BATF3: variants seen among roughly 807,000 people sequenced by gnomAD.
The protein encoded by BATF3 is basic leucine zipper transcriptional factor ATF-like 3.
A neutral mutation model predicts 16.1 loss-of-function variants in BATF3; 8 were observed. The observed-to-expected ratio is 0.50, with a 90% CI of 0.29 to 0.90. The LOEUF is 0.90. BATF3 is among the 40% of genes least tolerant of loss of function. The pLI is 0.08. For synonymous variants in BATF3, 74 were observed against 72.7 expected, an observed-to-expected ratio of 1.02 and a Z score of -0.09; for missense variants, 139 against 167.0, an observed-to-expected ratio of 0.83 and a Z score of 0.92.
At chr1:212,695,159 T>C (rs965199800) in intron 2 of BATF3, among the ~76,000 whole-genome samples, 6 of 151,926 alleles carry the variant, frequency 3.9e-5, no homozygotes, top group African/African-American at 9.7e-5. Context: ...GTCCAGGAGA[T>C]TGAAACTACT....
At chr1:212,687,091 C>T in intron 2 of BATF3, 112 bp from the exon 3 acceptor site, 1 of 706,732 alleles carries the variant, frequency 1.4e-6, no homozygotes, top group South Asian at 1.6e-5. Context: ...TTACGCATGT[C>T]CCCTCCACTG....
At position 212,699,533 on chromosome 1, in the gene BATF3, C is replaced by T. The variant is rs1657217848; in HGVS notation, c.90+140G>A. 5 of 560,148 alleles carry T rather than the reference C, an allele frequency of 8.9e-6. No individual in the cohort carries two copies. In the South Asian group the frequency reaches 3.9e-4, roughly 44 times the overall value. The allele number at this position is 560,148 out of a possible 1,614,324, so 34.7% of individuals were successfully genotyped here. A position where few individuals can be genotyped will look rare whatever the true frequency, so the allele number is the denominator to read the frequency against. On this transcript the variant is annotated intron_variant, in intron 1 of 2. Coordinates refer to ENST00000243440, the MANE Select transcript of BATF3 (RefSeq NM_018664.3). This position sits in a 1 kb window ranked among gnomAD's most constrained non-coding sequence, Gnocchi z 4.4. ...ATTCCCCAACATCCCTACGCCCCTA[C>T]CTCTGCTTGTCTCCGGCCGCACCCG...
intron 2 of BATF3, among the ~76,000 whole-genome samples, chr1:212,691,870 A>G (rs1182775498): frequency 6.6e-6 from 1 of 152,244 alleles, no homozygotes; most frequent in Admixed American, 6.5e-5. Flanking sequence ...CTCATTTGTC[A>G]GTGTGGACTT....
chr1:212,693,040 G>A (rs1657037931), intron 2 of BATF3, among the ~76,000 whole-genome samples: 1 of 152,188 alleles, frequency 6.6e-6, no homozygotes, highest in African/African-American at 2.4e-5. Context: ...GGGAGGTCCA[G>A]GGGTCCCAAG....
intron 1 of BATF3, 94 bp from the exon 2 acceptor site, chr1:212,697,159 A>G: frequency 9.9e-7 from 1 of 1,010,274 alleles, no homozygotes; most frequent in Non-Finnish European, 1.5e-6. Context: ...ACTGAGCTTC[A>G]TCATTTGCTT....
At chr1:212,695,490 CAAAAAAA>C (rs373281690) in intron 2 of BATF3, among the ~76,000 whole-genome samples, 2 of 42,226 alleles carry the variant, frequency 4.7e-5, no homozygotes, top group Non-Finnish European at 7.8e-5. Flanking sequence ...GACTCTGTCT[CAAAAAAA>C]AAAAAAAAAA....
intron 2 of BATF3, among the ~76,000 whole-genome samples, chr1:212,687,913 A>G (rs1259090830): frequency 2.0e-5 from 3 of 151,076 alleles, no homozygotes; most frequent in Non-Finnish European, 4.4e-5. Flanking sequence ...GGTAACAGAG[A>G]AAGATCCCAA....
At chr1:212,696,291 GA>G (rs1210667047) in intron 2 of BATF3, among the ~76,000 whole-genome samples, 1 of 152,178 alleles carries the variant, frequency 6.6e-6, no homozygotes, top group East Asian at 1.9e-4. Context: ...CAAAAGAGGG[GA>G]AAGCTTTAAG....
At chr1:212,687,767 A>C (rs1346302080) in intron 2 of BATF3, among the ~76,000 whole-genome samples, 10 of 151,862 alleles carry the variant, frequency 6.6e-5, no homozygotes, top group Non-Finnish European at 1.2e-4. Flanking sequence ...CTCTAAAAAA[A>C]TTTGTTTTAA....
intron 2 of BATF3, among the ~76,000 whole-genome samples, chr1:212,693,790 C>T (rs1393961770): frequency 6.6e-6 from 1 of 152,200 alleles, no homozygotes; most frequent in Non-Finnish European, 1.5e-5. Context: ...AGAGCCAACG[C>T]TTCATACAGG....
chr1:212,686,738 C>G lies in BATF3; in HGVS notation c.*53G>C. 1 of 1,566,312 alleles carries G rather than the reference C, an allele frequency of 6.4e-7. No homozygotes were observed. Among genetic ancestry groups the G allele is most frequent in the East Asian group, 2.3e-5 (1 of 43,950 alleles). ...CAATTGTGAAGGAAAAGCCTTCCTC[C>G]CAGGTATGAAAATGACCAAGGCTCC... On this transcript the variant is annotated 3_prime_UTR_variant, in exon 3 of 3. Coordinates refer to ENST00000243440, the MANE Select transcript of BATF3 (RefSeq NM_018664.3).
chr1:212,696,068 G>A (rs755752057), intron 2 of BATF3, among the ~76,000 whole-genome samples: 6 of 151,892 alleles, frequency 4.0e-5, no homozygotes, highest in African/African-American at 7.3e-5. Context: ...AGGACAGAGG[G>A]CCTGCCTGGA....
intron 2 of BATF3, among the ~76,000 whole-genome samples, chr1:212,691,254 A>C (rs1266381511): frequency 6.6e-6 from 1 of 152,180 alleles, no homozygotes; most frequent in Non-Finnish European, 1.5e-5. Context: ...AAGTAGGAAC[A>C]GGCTAACAGG....
intron 2 of BATF3, among the ~76,000 whole-genome samples, chr1:212,688,945 T>C (rs1413978720): frequency 6.6e-6 from 1 of 152,138 alleles, no homozygotes; most frequent in African/African-American, 2.4e-5. Flanking sequence ...CAAAGACACA[T>C]GCAAATTCTC....
Position 212,699,211 on chromosome 1 carries a change from T to C in BATF3, c.90+462A>G, listed in dbSNP as rs28549276. Among the ~76,000 whole-genome samples, 98,527 of 152,002 alleles carry C rather than the reference T, an allele frequency of 0.65. 32,357 individuals carry two copies. The highest frequency in any genetic ancestry group is 0.69 in the Middle Eastern group (204 of 294). On this transcript the variant is annotated intron_variant, in intron 1 of 2. Coordinates refer to ENST00000243440, the MANE Select transcript of BATF3 (RefSeq NM_018664.3). This position sits in a 1 kb window ranked among gnomAD's most constrained non-coding sequence, Gnocchi z 4.4. The stretch of plus-strand genomic sequence containing the variant: ...CGGAGTCGGCCCTTTGTGGGTTCCC[T>C]CCGCCCAGGCTGACTAGTCCGGCGT...
Position 212,697,001 on chromosome 1 carries a change from C to A in BATF3, c.155G>T (p.Ser52Ile). Reference protein sequence around the residue: ...REKNRVAAQRSRKKQTQKADK... With the variant: ...REKNRVAAQRIRKKQTQKADK... ...AGCCTTCTGGGTCTGCTTCTTCCGACTTCTCTGAGCAGCAACTCGGTTTTT... is the reference window on the plus strand; with the variant it reads ...AGCCTTCTGGGTCTGCTTCTTCCGAATTCTCTGAGCAGCAACTCGGTTTTT... Residue 52 changes from serine (S) to isoleucine (I), a missense_variant, in exon 2 of 3, where the codon AGT (serine) becomes ATT (isoleucine). Transcript: ENST00000243440. 6.2e-7 allele frequency: 1 copy of A among 1,614,194 alleles called. No homozygotes were observed. Among genetic ancestry groups the A allele is most frequent in the Non-Finnish European group, 8.5e-7 (1 of 1,180,028 alleles).
intron 2 of BATF3, 40 bp from the exon 3 acceptor site, chr1:212,687,019 C>T (rs1200376199): frequency 4.5e-6 from 6 of 1,327,724 alleles, no homozygotes; most frequent in Non-Finnish European, 6.5e-6. Flanking sequence ...TCTGGTGCAG[C>T]GTTCCCTTCC....
In BATF3 at chr1:212,686,811, C is replaced by T; in HGVS notation, c.364G>A (p.Ala122Thr). The T allele has an allele frequency of 3.1e-6, 5 of 1,612,666 alleles. No individual in the cohort carries two copies. The highest frequency in any genetic ancestry group is 4.2e-6 in the Non-Finnish European group (5 of 1,179,096). Residue 122 changes from alanine to threonine, a missense_variant, in exon 3 of 3, where the codon GCC becomes ACC. Coordinates refer to ENST00000243440, the MANE Select transcript of BATF3 (RefSeq NM_018664.3). ...VPVPPRPDPVAGCLPR is the reference protein window; with the variant it reads ...VPVPPRPDPVTGCLPR ...CGGCTTCATCGGGGCAAGCAGCCGG[C>T]CACAGGGTCCGGCCGGGGAGGCACT...
rs3754479 is a variant in BATF3 at position 212,691,996 on chromosome 1, G to A, written c.195+4965C>T. ...TGGACTCTGAGGTCTACAGACACAC[G>A]TTAAGAACTGCTTCTCATCACCGTA... On this transcript the variant is annotated intron_variant, in intron 2 of 2. Coordinates refer to ENST00000243440, the MANE Select transcript of BATF3 (RefSeq NM_018664.3). Among the ~76,000 whole-genome samples the A allele has an allele frequency of 2.0e-5, 3 of 152,354 alleles. No homozygotes were observed. The East Asian group carries it at 5.8e-4, about 29-fold the overall frequency.
Sources: gnomAD v4.1 joint callset for allele counts (sites outside exome capture counted in the v4.1 genomes callset) on GRCh38, gnomAD v4.1.1 for gene constraint, Gnocchi (gnomAD v3.1) non-coding constraint, MANE v1.5 for transcripts, NCBI Gene and HGNC (gene_info 2026-07-23, HGNC 2026-07-21) for gene names.